DPP8: variants seen among roughly 807,000 people sequenced by gnomAD.
The protein encoded by DPP8 is DPP VIII.
Under a neutral mutation model 107.5 loss-of-function variants are expected in DPP8, and 31 were observed. That is an observed-to-expected ratio of 0.29 (90% CI 0.22 to 0.39). The LOEUF (loss-of-function observed/expected upper bound fraction) is 0.39. Ranked by LOEUF, DPP8 falls within the 10% of genes least tolerant of loss-of-function variation. DPP8 has a pLI of 1.00. For missense variants in DPP8, 842 were observed against 1,076.1 expected (o/e 0.78, Z 3.04); for synonymous variants, 381 against 356.6 (o/e 1.07, Z -0.77).
intron 15 of DPP8, among the ~76,000 whole-genome samples, chr15:65,461,221 T>A (rs1348929630): frequency 6.6e-6 from 1 of 152,184 alleles, no homozygotes; most frequent in Non-Finnish European, 1.5e-5. Flanking sequence ...TATGACTCAC[T>A]GCAACCTCGA....
chr15:65,517,095 G>C (rs1031101330), intron 1 of DPP8: 2 of 152,552 alleles, frequency 1.3e-5, no homozygotes, highest in African/African-American at 2.4e-5. Context: ...CATCTGCCAA[G>C]TCGGACTTAA....
chr15:65,495,327 C>G (rs1407250157), intron 5 of DPP8, among the ~76,000 whole-genome samples: 2 of 152,206 alleles, frequency 1.3e-5, no homozygotes, highest in Admixed American at 6.5e-5. Context: ...TATGTCTGGC[C>G]AGGTGCTGTG....
At chr15:65,491,385 T>C (rs1436551948) in intron 5 of DPP8, among the ~76,000 whole-genome samples, 1 of 152,166 alleles carries the variant, frequency 6.6e-6, no homozygotes, top group Non-Finnish European at 1.5e-5. Flanking sequence ...TTAAATGTAC[T>C]GTTTATTTTT....
chr15:65,506,770 G>A (rs537192027), intron 3 of DPP8, among the ~76,000 whole-genome samples: 2 of 149,604 alleles, frequency 1.3e-5, no homozygotes, highest in African/African-American at 4.9e-5. Flanking sequence ...TTTTTAATAA[G>A]AAAAAATAAA....
Position 65,443,246 on chromosome 15 carries a change from G to C in DPP8, c.*3638C>G, listed in dbSNP as rs1421817566. The C allele has an allele frequency of 2.0e-5, 3 of 152,078 alleles. No homozygotes were observed. The highest frequency in any genetic ancestry group is 3.8e-4 in the East Asian group (2 of 5,204). 9.4% of individuals were successfully genotyped at this position (152,078 alleles called of 1,614,324 possible). On this transcript the variant is annotated 3_prime_UTR_variant, in exon 20 of 20. Transcript: ENST00000300141. ...TAACTACCATGAGGCAGGACACCTG[G>C]CTGGAGTCCAGCACCAACTGGATAC...
intron 12 of DPP8, among the ~76,000 whole-genome samples, chr15:65,470,970 G>A (rs1245906984): frequency 2.0e-5 from 3 of 150,958 alleles, no homozygotes; most frequent in Non-Finnish European, 4.4e-5. Context: ...ACAGACTAAC[G>A]TATCACAAGT....
At chr15:65,486,075 C>T (rs2067393956) in intron 7 of DPP8, among the ~76,000 whole-genome samples, 1 of 140,228 alleles carries the variant, frequency 7.1e-6, no homozygotes, top group South Asian at 2.3e-4. Context: ...GCCTGGGCGA[C>T]ACAGCGAGAC....
At chr15:65,452,429 G>A (rs1358763121) in intron 17 of DPP8, among the ~76,000 whole-genome samples, 2 of 151,802 alleles carry the variant, frequency 1.3e-5, no homozygotes, top group Non-Finnish European at 2.9e-5. Flanking sequence ...AGAACTGTCA[G>A]TTTTATGTAA....
At chr15:65,479,152 A>C in intron 10 of DPP8, 113 bp from the exon 11 acceptor site, 2 of 676,692 alleles carry the variant, frequency 3.0e-6, no homozygotes, top group Non-Finnish European at 4.5e-6. Flanking sequence ...AATAACCATC[A>C]ATGCCAAAGG....
intron 17 of DPP8, among the ~76,000 whole-genome samples, chr15:65,453,891 T>G (rs2064180534): frequency 6.6e-6 from 1 of 152,038 alleles, no homozygotes. Flanking sequence ...GTGGATCTCT[T>G]GAGGTCAGGA....
At chr15:65,493,511 T>C (rs1275677249) in intron 5 of DPP8, among the ~76,000 whole-genome samples, 2 of 152,200 alleles carry the variant, frequency 1.3e-5, no homozygotes, top group African/African-American at 4.8e-5. Flanking sequence ...ACTACACAGA[T>C]AAGCATATTA....
intron 15 of DPP8, among the ~76,000 whole-genome samples, chr15:65,463,490 C>T (rs1376355688): frequency 4.6e-5 from 7 of 151,228 alleles, no homozygotes; most frequent in Non-Finnish European, 8.8e-5. Context: ...TGCAGTGAGC[C>T]GACATTGCGC....
At position 65,444,377 on chromosome 15, in the gene DPP8, A is replaced by C. The variant is rs1307360371; in HGVS notation, c.*2507T>G. 3 of 152,206 alleles carry C rather than the reference A, an allele frequency of 2.0e-5. No homozygotes were observed. Among genetic ancestry groups the C allele is most frequent in the Non-Finnish European group, 4.4e-5 (3 of 68,048 alleles). 9.4% of individuals were successfully genotyped at this position (152,206 alleles called of 1,614,324 possible). A position where few individuals can be genotyped will look rare whatever the true frequency, so the allele number is the denominator to read the frequency against. ...TGTACACATTTATCAAGTCTTTAAA[A>C]ACGTAGTATGATATTTAACCTAGTG... On this transcript the variant is annotated 3_prime_UTR_variant, in exon 20 of 20. Transcript: ENST00000300141.
chr15:65,452,845 G>A lies in DPP8; in HGVS notation c.2272-743C>T, dbSNP rs369868675. On this transcript the variant is annotated intron_variant, in intron 17 of 19. Transcript: ENST00000300141. ...AAATTAGCTGGGAATAGTGGTGGGC[G>A]CCTTTAATCCCAGTTACTTGGGAGG... is the stretch of plus-strand genomic sequence containing the variant. 9.9e-5 allele frequency among the ~76,000 whole-genome samples: 15 copies of A among 152,004 alleles called. No individual in the cohort carries two copies. The East Asian group carries it at 2.1e-3, about 22-fold the overall frequency.
At chr15:65,491,160 C>CAAAAAAAAA (rs764574499) in intron 5 of DPP8, among the ~76,000 whole-genome samples, 1 of 55,008 alleles carries the variant, frequency 1.8e-5, no homozygotes, top group African/African-American at 6.3e-5. Flanking sequence ...GACTCCGTCT[C>CAAAAAAAAA]AAAAAAAAAA....
chr15:65,449,640 C>G (rs2063820279), intron 19 of DPP8, among the ~76,000 whole-genome samples: 1 of 152,092 alleles, frequency 6.6e-6, no homozygotes, highest in African/African-American at 2.4e-5. Flanking sequence ...GAACTCTTGA[C>G]CTCAGGTAAT....
intron 3 of DPP8, among the ~76,000 whole-genome samples, chr15:65,502,289 G>T (rs935442479): frequency 1.9e-4 from 19 of 100,212 alleles, no homozygotes; most frequent in African/African-American, 6.1e-4. Flanking sequence ...ACTTTTTCAG[G>T]ATATTTGCTA....
rs1411794824 is a variant in DPP8, at chr15:65,448,887, T to C, written c.2527-1881A>G. 7.8e-4 allele frequency among the ~76,000 whole-genome samples: 49 copies of C among 62,638 alleles called. 2 individuals are homozygous for C. Among genetic ancestry groups the C allele is most frequent in the Middle Eastern group, 0.014 (2 of 138 alleles). The allele number at this position is 62,638 out of a possible 152,430, so 41.1% of individuals were successfully genotyped here. ...TAAAATATATATATATATATATATA[T>C]ATATATATATATATATATATATATA... On this transcript the variant is annotated intron_variant, in intron 19 of 19. Coordinates refer to ENST00000300141, the MANE Select transcript of DPP8 (RefSeq NM_130434.5).
chr15:65,506,634 A>G (rs1374036611), intron 3 of DPP8, among the ~76,000 whole-genome samples: 5 of 17,502 alleles, frequency 2.9e-4, no homozygotes, highest in Non-Finnish European at 5.3e-4. Context: ...ATAAACATAT[A>G]CATAACATAT....
Sources: allele counts gnomAD v4.1 joint callset (sites outside exome capture counted in the v4.1 genomes callset), GRCh38; gene constraint gnomAD v4.1.1; transcripts MANE v1.5; gene names NCBI Gene and HGNC (gene_info 2026-07-23, HGNC 2026-07-21).